Variants in PAPPA2 observed in about 807,000 individuals in gnomAD.
The protein encoded by PAPPA2 is pappalysin 2.
In PAPPA2, 86 loss-of-function variants were observed where a neutral mutation model predicts 176.4. That is an observed-to-expected ratio of 0.49 (90% confidence interval 0.41 to 0.58). The LOEUF (loss-of-function observed/expected upper bound fraction) is 0.58. PAPPA2 is among the 20% of genes least tolerant of loss of function. The pLI is 0.00. For missense variants in PAPPA2, 2,073 were observed against 2,256.9 expected (o/e 0.92, Z 1.65); for synonymous variants, 809 against 852.2 (o/e 0.95, Z 0.88).
intron 7 of PAPPA2, 76 bp downstream of exon 7, chr1:176,695,935 T>C: frequency 6.4e-7 from 1 of 1,560,220 alleles, no homozygotes; most frequent in Non-Finnish European, 8.7e-7. Context: ...AGTGGAGTAG[T>C]GACATGGTGA....
At chr1:176,575,518 T>C (rs534962156) in intron 2 of PAPPA2, among the ~76,000 whole-genome samples, 2 of 152,194 alleles carry the variant, frequency 1.3e-5, no homozygotes, top group African/African-American at 4.8e-5. Flanking sequence ...AATGAACATA[T>C]CTGGTTTTCA....
intron 21 of PAPPA2, among the ~76,000 whole-genome samples, chr1:176,803,032 T>C (rs1352510323): frequency 6.6e-6 from 1 of 152,226 alleles, no homozygotes; most frequent in Non-Finnish European, 1.5e-5. Context: ...GTACGTTCAA[T>C]TCTATTTTTC....
intron 14 of PAPPA2, among the ~76,000 whole-genome samples, chr1:176,760,424 T>C (rs567544850): frequency 6.6e-6 from 1 of 152,316 alleles, no homozygotes; most frequent in East Asian, 1.9e-4. Context: ...TCTAGATCTT[T>C]ATGGGGTGGA....
intron 1 of PAPPA2, among the ~76,000 whole-genome samples, chr1:176,505,046 CAG>C (rs925193770): frequency 6.6e-6 from 1 of 152,064 alleles, no homozygotes; most frequent in African/African-American, 2.4e-5. Context: ...AACAGTAAAA[CAG>C]TGTGAAAATC....
chr1:176,544,325 A>C (rs565786561), intron 1 of PAPPA2, among the ~76,000 whole-genome samples: 1 of 152,192 alleles, frequency 6.6e-6, no homozygotes. Flanking sequence ...GACAGGATGC[A>C]TGGCTAGTGC....
intron 14 of PAPPA2, among the ~76,000 whole-genome samples, chr1:176,754,794 A>G (rs1663340715): frequency 6.6e-6 from 1 of 152,210 alleles, no homozygotes; most frequent in Admixed American, 6.5e-5. Context: ...AGGTTCTGTC[A>G]TTTTGCCAGC....
chr1:176,713,202 C>G lies in PAPPA2; in HGVS notation c.3798+1221C>G, dbSNP rs544420322. ...GCAGGGTCTCGCTCTGTTTTCCAGG[C>G]TGGAATACAGTGGTGCCATCATAGC... On this transcript the variant is annotated intron_variant, in intron 12 of 22. Coordinates refer to ENST00000367662, the MANE Select transcript of PAPPA2 (RefSeq NM_020318.3). Among the ~76,000 whole-genome samples the G allele has an allele frequency of 9.3e-5, 14 of 151,272 alleles. 1 individual carries two copies. In the South Asian group the frequency reaches 2.9e-3, roughly 32 times the overall value.
At chr1:176,514,887 A>G (rs1648818683) in intron 1 of PAPPA2, among the ~76,000 whole-genome samples, 1 of 152,168 alleles carries the variant, frequency 6.6e-6, no homozygotes, top group Non-Finnish European at 1.5e-5. Context: ...CTGTTCAGGC[A>G]TTTTCCTCCA....
rs1239261266 is a variant in PAPPA2 at position 176,699,231 on chromosome 1, C to T, written c.2878C>T (p.Pro960Ser). ...TAGCTTGGAGCTGCTCTTCCAACAC[C>T]CGGTCCAAGCCGACACCCTCACCCT... is the stretch of plus-strand genomic sequence containing the variant. ...GCSLELLFQH[P>S]VQADTLTLWV... The change falls in exon 8 of 23, where the codon CCG becomes TCG. Residue 960 changes from proline (P) to serine (S), a missense_variant. Pro to Ser is a moderately conservative substitution (Grantham distance 74). Around this residue, in one of 4 missense-constraint regions of PAPPA2, gnomAD observed 1,196 missense variants for 1,330.4 expected, o/e 0.90. Coordinates refer to ENST00000367662, the MANE Select transcript of PAPPA2 (RefSeq NM_020318.3). The T allele has an allele frequency of 1.2e-6, 2 of 1,614,034 alleles. No homozygotes were observed. The highest frequency in any genetic ancestry group is 1.1e-5 in the South Asian group (1 of 91,084).
rs1553376035 is a variant in PAPPA2, at chr1:176,623,801, T to TTCTTTCTTTC, written c.1991+28214_1991+28215insTCTCTTTCTT. ...TTTCTTTCTTTCTTTCTTTCTTTCT[T>TTCTTTCTTTC]TCTTTCTTCTTTCTTTCTTCTCTCT... On this transcript the variant is annotated intron_variant, in intron 3 of 22. Coordinates refer to ENST00000367662, the MANE Select transcript of PAPPA2 (RefSeq NM_020318.3). Among the ~76,000 whole-genome samples the TTCTTTCTTTC allele has an allele frequency of 6.5e-4, 79 of 121,378 alleles. 3 individuals are homozygous for TTCTTTCTTTC. The highest frequency in any genetic ancestry group is 2.1e-3 in the African/African-American group (67 of 32,290). The allele number at this position is 121,378 out of a possible 152,430, so 79.6% of individuals were successfully genotyped here.
chr1:176,570,152 G>T (rs1506782), intron 2 of PAPPA2, among the ~76,000 whole-genome samples: 81,627 of 152,146 alleles, frequency 0.54, 24,224 homozygotes, highest in East Asian at 0.93. Context: ...GAAGAGGAGT[G>T]TATATGCCTA....
chr1:176,629,492 T>C (rs565796135), intron 3 of PAPPA2, among the ~76,000 whole-genome samples: 5 of 152,122 alleles, frequency 3.3e-5, no homozygotes, highest in Non-Finnish European at 4.4e-5. Flanking sequence ...CAGATATCAA[T>C]ATTGGGTTTA....
rs1286828716 is a variant in PAPPA2 at position 176,538,771 on chromosome 1, CACCTATAA to C, written c.-916-16632_-916-16625del. 3.3e-5 allele frequency among the ~76,000 whole-genome samples: 5 copies of C among 152,244 alleles called. No homozygotes were observed. The East Asian group carries it at 9.7e-4, about 29-fold the overall frequency. The stretch of plus-strand genomic sequence containing the variant: ...TAGACAATATCCCACAAATTCAAGC[CACCTATAA>C]ACCCTACTGCCAGCTCTTCATTCAT... On this transcript the variant is annotated intron_variant, in intron 1 of 22. Transcript: ENST00000367662.
chr1:176,714,699 A>G (rs1208381435), intron 12 of PAPPA2, among the ~76,000 whole-genome samples: 2 of 152,052 alleles, frequency 1.3e-5, no homozygotes, highest in African/African-American at 4.8e-5. Flanking sequence ...TGCATTAATT[A>G]TTTTCTTCTT....
chr1:176,488,981 G>A (rs997540371), intron 1 of PAPPA2, among the ~76,000 whole-genome samples: 6 of 152,160 alleles, frequency 3.9e-5, no homozygotes, highest in South Asian at 4.2e-4. Context: ...CTGGATCTGC[G>A]TACTCTCATC....
At chr1:176,633,118 G>GT (rs1656443807) in intron 3 of PAPPA2, among the ~76,000 whole-genome samples, 1 of 152,182 alleles carries the variant, frequency 6.6e-6, no homozygotes, top group African/African-American at 2.4e-5. Flanking sequence ...GCAGAGAGAG[G>GT]TAAGTCACTT....
chr1:176,740,552 T>G (rs1662631877), intron 14 of PAPPA2, among the ~76,000 whole-genome samples: 1 of 152,210 alleles, frequency 6.6e-6, no homozygotes. Context: ...CAATGTATAT[T>G]TTTCCACTTC....
intron 4 of PAPPA2, among the ~76,000 whole-genome samples, chr1:176,682,437 C>T (rs1399656276): frequency 6.6e-6 from 1 of 151,974 alleles, no homozygotes; most frequent in East Asian, 1.9e-4. Flanking sequence ...AAGGTAGTAG[C>T]TTTTGTTATT....
chr1:176,803,932 G>C (rs559722818), intron 21 of PAPPA2, among the ~76,000 whole-genome samples: 12 of 152,272 alleles, frequency 7.9e-5, no homozygotes, highest in African/African-American at 1.9e-4. Flanking sequence ...GCTTTGCACT[G>C]TCTGTTTGCT....
Sources: allele counts gnomAD v4.1 joint callset (sites outside exome capture counted in the v4.1 genomes callset), GRCh38; gene constraint gnomAD v4.1.1; regional missense constraint gnomAD v4.1.1; transcripts MANE v1.5; gene names NCBI Gene and HGNC (gene_info 2026-07-23, HGNC 2026-07-21).